SLC44A1: variants seen among roughly 807,000 people sequenced by gnomAD.
SLC44A1 encodes solute carrier family 44 member 1.
A neutral mutation model predicts 79.3 loss-of-function variants in SLC44A1; 26 were observed. The ratio of observed to expected loss-of-function variants is 0.33; its 90% CI spans 0.24 to 0.46. The LOEUF is 0.46. Ranked by LOEUF, SLC44A1 falls within the 20% of genes least tolerant of loss-of-function variation. SLC44A1 has a pLI of 1.00. For missense variants in SLC44A1, 688 were observed against 798.1 expected, an observed-to-expected ratio of 0.86 and a Z score of 1.66; for synonymous variants, 263 against 286.2, an observed-to-expected ratio of 0.92 and a Z score of 0.82.
At chr9:105,406,576 A>T (rs1829031790) in intron 15 of SLC44A1, among the ~76,000 whole-genome samples, 1 of 152,060 alleles carries the variant, frequency 6.6e-6, no homozygotes, top group Non-Finnish European at 1.5e-5. Context: ...CCCCATGTCT[A>T]CCAAAAAATA....
At chr9:105,341,490 G>A (rs1827089256) in intron 4 of SLC44A1, among the ~76,000 whole-genome samples, 1 of 152,114 alleles carries the variant, frequency 6.6e-6, no homozygotes, top group East Asian at 1.9e-4. Flanking sequence ...TGCTAGAGAA[G>A]AAAACAGTTT....
intron 1 of SLC44A1, among the ~76,000 whole-genome samples, chr9:105,258,074 T>G (rs927887864): frequency 6.6e-6 from 1 of 152,162 alleles, no homozygotes; most frequent in Non-Finnish European, 1.5e-5. Context: ...GGAGTCAAAA[T>G]AAAATAGACC....
intron 15 of SLC44A1, among the ~76,000 whole-genome samples, chr9:105,423,371 A>G (rs1053602640): frequency 1.3e-5 from 2 of 152,122 alleles, no homozygotes; most frequent in Admixed American, 1.3e-4. Context: ...AGGCTGAGGC[A>G]GGGAGAATCA....
chr9:105,364,498 G>A (rs957676947), intron 9 of SLC44A1, 57 bp from the exon 10 acceptor site: 52 of 1,504,780 alleles, frequency 3.5e-5, no homozygotes, highest in Non-Finnish European at 4.0e-5. Context: ...CTTAACTGCC[G>A]TATTTCTGGA....
rs921920825 is a variant in SLC44A1 at position 105,395,913 on chromosome 9, T to G, written c.*6857T>G. 1.0e-6 allele frequency: 1 copy of G among 980,294 alleles called. No homozygotes were observed. Among genetic ancestry groups the G allele is most frequent in the Non-Finnish European group, 1.2e-6 (1 of 827,892 alleles). The allele number at this position is 980,294 out of a possible 1,614,324, so 60.7% of individuals were successfully genotyped here. On this transcript the variant is annotated 3_prime_UTR_variant, in exon 16 of 16. Coordinates refer to ENST00000374720, the MANE Select transcript of SLC44A1 (RefSeq NM_080546.5). ...CCGGTGGTGACTTTTTTTTTTTTTT[T>G]GTAAATTGTATTAGATACCCCACAG... is the stretch of plus-strand genomic sequence containing the variant.
At chr9:105,384,112 A>G (rs774690055) in intron 14 of SLC44A1, among the ~76,000 whole-genome samples, 2 of 152,208 alleles carry the variant, frequency 1.3e-5, no homozygotes, top group African/African-American at 4.8e-5. Flanking sequence ...ATACATTGAA[A>G]TAACAAGTCA....
Position 105,395,529 on chromosome 9 carries a change from T to G in SLC44A1, c.*6473T>G, listed in dbSNP as rs1828859022. On this transcript the variant is annotated 3_prime_UTR_variant, in exon 16 of 16. Coordinates refer to ENST00000374720, the MANE Select transcript of SLC44A1 (RefSeq NM_080546.5). Reference sequence around the variant, plus strand: ...CCACCGCGCCCGGCCTAGAAGAGTTTTAATGAACCTTCCACAGTAGTAAAT... The same window carrying G: ...CCACCGCGCCCGGCCTAGAAGAGTTGTAATGAACCTTCCACAGTAGTAAAT... The G allele has an allele frequency of 2.0e-6, 2 of 985,532 alleles. No individual in the cohort carries two copies. Among genetic ancestry groups the G allele is most frequent in the Non-Finnish European group, 1.2e-6 (1 of 830,012 alleles). 61.0% of individuals were successfully genotyped at this position (985,532 alleles called of 1,614,324 possible). A position where few individuals can be genotyped will look rare whatever the true frequency, so the allele number is the denominator to read the frequency against.
intron 3 of SLC44A1, among the ~76,000 whole-genome samples, chr9:105,322,604 C>G (rs1335366809): frequency 6.6e-6 from 1 of 152,060 alleles, no homozygotes; most frequent in Non-Finnish European, 1.5e-5. Flanking sequence ...AGGACAACAA[C>G]AAGACTACCT....
intron 5 of SLC44A1, among the ~76,000 whole-genome samples, chr9:105,348,892 G>A (rs2131381374): frequency 6.6e-6 from 1 of 152,100 alleles, no homozygotes. Context: ...ATTCCCCATA[G>A]TTTCTTTCAG....
intron 1 of SLC44A1, among the ~76,000 whole-genome samples, chr9:105,250,104 G>A (rs1357598904): frequency 6.6e-6 from 1 of 151,682 alleles, no homozygotes; most frequent in Non-Finnish European, 1.5e-5. Flanking sequence ...TCAAACTCCC[G>A]GGTTCAAACT....
At chr9:105,364,870 T>C in intron 10 of SLC44A1, 150 bp downstream of exon 10, 1 of 572,242 alleles carries the variant, frequency 1.7e-6, no homozygotes, top group Non-Finnish European at 3.0e-6. Context: ...TTATATATAG[T>C]TGATAATTCT....
intron 15 of SLC44A1, among the ~76,000 whole-genome samples, chr9:105,431,654 C>A (rs1403569761): frequency 6.6e-6 from 1 of 152,124 alleles, no homozygotes; most frequent in African/African-American, 2.4e-5. Flanking sequence ...CCAAGAGTCT[C>A]CATAGAGACA....
chr9:105,428,939 C>T (rs1343942190), intron 15 of SLC44A1, among the ~76,000 whole-genome samples: 1 of 152,192 alleles, frequency 6.6e-6, no homozygotes, highest in Non-Finnish European at 1.5e-5. Context: ...CTCCTGACCT[C>T]GTGATCCGCC....
chr9:105,329,498 A>G (rs1826684391), intron 3 of SLC44A1, among the ~76,000 whole-genome samples: 1 of 152,136 alleles, frequency 6.6e-6, no homozygotes, highest in Admixed American at 6.5e-5. Flanking sequence ...AGGCAATTTA[A>G]TGGCAAAGGC....
At chr9:105,248,714 C>T (rs903572800) in intron 1 of SLC44A1, among the ~76,000 whole-genome samples, 1 of 152,140 alleles carries the variant, frequency 6.6e-6, no homozygotes, top group African/African-American at 2.4e-5. Flanking sequence ...ACTAATCCTC[C>T]CTAAGGCTCT....
At position 105,389,336 on chromosome 9, in the gene SLC44A1, A is replaced by G; in HGVS notation, c.*280A>G. 8.7e-7 allele frequency: 1 copy of G among 1,144,168 alleles called. No individual in the cohort carries two copies. Among genetic ancestry groups the G allele is most frequent in the Non-Finnish European group, 1.1e-6 (1 of 932,306 alleles). The allele number at this position is 1,144,168 out of a possible 1,614,324, so 70.9% of individuals were successfully genotyped here. ...AATGTTTTCAACTGTAATTGTCTTA[A>G]TGGAAATGTTAAAATTCATATCTGA... is the stretch of plus-strand genomic sequence containing the variant. On this transcript the variant is annotated 3_prime_UTR_variant, in exon 16 of 16. Transcript: ENST00000374720.
chr9:105,417,953 G>A (rs1305069802), intron 15 of SLC44A1, among the ~76,000 whole-genome samples: 2 of 151,198 alleles, frequency 1.3e-5, no homozygotes, highest in Non-Finnish European at 2.9e-5. Flanking sequence ...GGAGTTTGAG[G>A]CTACAGTGAA....
At position 105,329,129 on chromosome 9, in the gene SLC44A1, C is replaced by T. The variant is rs971952010; in HGVS notation, c.270-6434C>T. 3.9e-5 allele frequency among the ~76,000 whole-genome samples: 6 copies of T among 152,316 alleles called. No homozygotes were observed. The South Asian group carries it at 8.3e-4, about 21-fold the overall frequency. ...GCCTATGTTTAGCAATAGCAAGCCT[C>T]CGCTAGGCTGTCATGGTTTTCAGTT... On this transcript the variant is annotated intron_variant, in intron 3 of 15. Transcript: ENST00000374720.
At position 105,394,569 on chromosome 9, in the gene SLC44A1, C is replaced by G. The variant is rs942333129; in HGVS notation, c.*5513C>G. 2.0e-6 allele frequency: 2 copies of G among 985,000 alleles called. No homozygotes were observed. Among genetic ancestry groups the G allele is most frequent in the Admixed American group, 6.2e-5 (1 of 16,230 alleles). 61.0% of individuals were successfully genotyped at this position (985,000 alleles called of 1,614,324 possible). On this transcript the variant is annotated 3_prime_UTR_variant, in exon 16 of 16. Coordinates refer to ENST00000374720, the MANE Select transcript of SLC44A1 (RefSeq NM_080546.5). ...GGAATCCTTGTAATTAATCCATCTA[C>G]CAAAACACTTGATTCTTTTTATTGT...
Sources: allele counts gnomAD v4.1 joint callset (sites outside exome capture counted in the v4.1 genomes callset), GRCh38; gene constraint gnomAD v4.1.1; transcripts MANE v1.5; gene names NCBI Gene and HGNC (gene_info 2026-07-23, HGNC 2026-07-21).